The following HTR4 variants were observed in gnomAD, a reference collection of about 807,000 sequenced individuals.
The protein encoded by HTR4 is 5-hydroxytryptamine (serotonin) receptor 4, G protein-coupled.
Under a neutral mutation model 36.8 loss-of-function variants are expected in HTR4, and 16 were observed. The observed-to-expected ratio is 0.43, with a 90% confidence interval of 0.29 to 0.66. The LOEUF (loss-of-function observed/expected upper bound fraction) is 0.66. Ranked by LOEUF, HTR4 falls within the 30% of genes least tolerant of loss-of-function variation. The pLI, the probability that HTR4 is intolerant of heterozygous loss-of-function variation, is 0.13. For synonymous variants in HTR4, 189 were observed against 185.1 expected (o/e 1.02, Z -0.17); for missense variants, 438 against 490.9 (o/e 0.89, Z 1.02).
chr5:148,635,052 T>C (rs575917350), intron 2 of HTR4, among the ~76,000 whole-genome samples: 53 of 152,272 alleles, frequency 3.5e-4, no homozygotes, highest in African/African-American at 1.3e-3. Flanking sequence ...TAAAAATGCA[T>C]AATATTTTTA....
intron 6 of HTR4, among the ~76,000 whole-genome samples, chr5:148,488,707 C>A (rs1756275323): frequency 6.6e-6 from 1 of 152,154 alleles, no homozygotes; most frequent in Admixed American, 6.5e-5. Context: ...TAAAGCAATG[C>A]ATCTGCAGGG....
At chr5:148,469,662 C>T (rs1755516309) in intron 5 of HTR4, among the ~76,000 whole-genome samples, 1 of 152,212 alleles carries the variant, frequency 6.6e-6, no homozygotes, top group Admixed American at 6.5e-5. Context: ...CAAATGCAGT[C>T]CTGAGACCAA....
At chr5:148,459,938 G>C (rs1755223362) in intron 5 of HTR4, among the ~76,000 whole-genome samples, 1 of 152,134 alleles carries the variant, frequency 6.6e-6, no homozygotes, top group Non-Finnish European at 1.5e-5. Flanking sequence ...CGTAAGCAAT[G>C]AGATGGAAAT....
chr5:148,596,244 G>C (rs1561640782), intron 2 of HTR4, among the ~76,000 whole-genome samples: 1 of 152,188 alleles, frequency 6.6e-6, no homozygotes, highest in Non-Finnish European at 1.5e-5. Context: ...ACTAGTCTCT[G>C]AATGTGTCCA....
At chr5:148,603,730 C>A (rs1752019637) in intron 2 of HTR4, among the ~76,000 whole-genome samples, 1 of 151,026 alleles carries the variant, frequency 6.6e-6, no homozygotes, top group Admixed American at 6.6e-5. Flanking sequence ...ATAACATCAA[C>A]AAATAATTAG....
At chr5:148,540,744 G>A (rs1167482066) in intron 4 of HTR4, among the ~76,000 whole-genome samples, 1 of 152,006 alleles carries the variant, frequency 6.6e-6, no homozygotes, top group African/African-American at 2.4e-5. Context: ...CCCAGTGTGT[G>A]AAAGGGGTGA....
chr5:148,580,806 C>G (rs1015017822), intron 2 of HTR4, among the ~76,000 whole-genome samples: 99 of 152,038 alleles, frequency 6.5e-4, no homozygotes, highest in African/African-American at 2.2e-3. Flanking sequence ...TTTGGCTACT[C>G]TGAATATTGT....
At chr5:148,623,939 T>C (rs558787594) in intron 2 of HTR4, among the ~76,000 whole-genome samples, 4 of 152,332 alleles carry the variant, frequency 2.6e-5, no homozygotes, top group South Asian at 2.1e-4. Flanking sequence ...CCGGATTTTC[T>C]TGGAGGGTTC....
At chr5:148,619,763 A>T (rs1016142775) in intron 2 of HTR4, among the ~76,000 whole-genome samples, 4 of 152,312 alleles carry the variant, frequency 2.6e-5, no homozygotes, top group Non-Finnish European at 4.4e-5. Flanking sequence ...AGATAAAAAA[A>T]TTTTTAAAAA....
chr5:148,636,657 T>C (rs1194227683), intron 2 of HTR4, among the ~76,000 whole-genome samples: 3 of 152,194 alleles, frequency 2.0e-5, no homozygotes, highest in Non-Finnish European at 2.9e-5. Context: ...AGTTTAGATA[T>C]ACAGATAGAT....
chr5:148,609,690 C>T (rs549818483), intron 2 of HTR4, among the ~76,000 whole-genome samples: 4 of 151,984 alleles, frequency 2.6e-5, no homozygotes, highest in East Asian at 1.9e-4. Context: ...CTCAGCCTCC[C>T]GAGTAGCTGG....
rs191668132 is a variant in HTR4 at position 148,552,094 on chromosome 5, G to A, written c.27-1832C>T. ...TCTCCAGATGGAAGCAGCCTGCAAA[G>A]TCATGGCTTTGGCCTTGTCCAGAAC... is the stretch of plus-strand genomic sequence containing the variant. On this transcript the variant is annotated intron_variant, in intron 2 of 6. Coordinates refer to ENST00000377888, the MANE Select transcript of HTR4 (RefSeq NM_000870.7). Among the ~76,000 whole-genome samples the A allele has an allele frequency of 2.6e-5, 4 of 152,320 alleles. No individual in the cohort carries two copies. In the East Asian group the frequency reaches 7.7e-4, roughly 29 times the overall value.
intron 4 of HTR4, among the ~76,000 whole-genome samples, chr5:148,541,071 C>G (rs1057027858): frequency 3.3e-5 from 5 of 152,140 alleles, no homozygotes; most frequent in Non-Finnish European, 7.3e-5. Flanking sequence ...GTTATTTATT[C>G]CTCACAAGTC....
chr5:148,653,597 T>A (rs1304650198), intron 1 of HTR4, among the ~76,000 whole-genome samples: 1 of 132,382 alleles, frequency 7.6e-6, no homozygotes, highest in Non-Finnish European at 1.6e-5. Context: ...CTATCTTGTC[T>A]CTCTCTCTCT....
Position 148,518,471 on chromosome 5 carries a change from G to C in HTR4, c.507+4722C>G, listed in dbSNP as rs187567893. Among the ~76,000 whole-genome samples, 287 of 152,294 alleles carry C rather than the reference G, an allele frequency of 1.9e-3. 2 individuals are homozygous for C. The highest frequency in any genetic ancestry group is 6.8e-3 in the African/African-American group (281 of 41,576). On this transcript the variant is annotated intron_variant, in intron 5 of 6. Transcript: ENST00000377888. ...ATTGCTATCATCCTAGTCCAAGTTA[G>C]CGTTAGCATCATCACTTGCCAGGAT...
chr5:148,576,534 G>A (rs945361036), intron 2 of HTR4, among the ~76,000 whole-genome samples: 19 of 151,818 alleles, frequency 1.3e-4, no homozygotes, highest in Non-Finnish European at 2.1e-4. Context: ...AAAAAACAAC[G>A]AAGCTGAAGG....
chr5:148,463,630 T>C (rs1043934938), intron 5 of HTR4, among the ~76,000 whole-genome samples: 2 of 152,060 alleles, frequency 1.3e-5, no homozygotes, highest in Non-Finnish European at 2.9e-5. Flanking sequence ...CTAAATATTG[T>C]CAAGATGTCA....
chr5:148,592,282 T>A (rs1561638606), intron 2 of HTR4, among the ~76,000 whole-genome samples: 1 of 152,068 alleles, frequency 6.6e-6, no homozygotes, highest in Non-Finnish European at 1.5e-5. Flanking sequence ...TACTATTGGG[T>A]ACTGGGCTTA....
chr5:148,583,971 A>G (rs1039809686), intron 2 of HTR4, among the ~76,000 whole-genome samples: 8 of 152,078 alleles, frequency 5.3e-5, no homozygotes, highest in Non-Finnish European at 1.2e-4. Context: ...TAACATTTAC[A>G]TTTGATCTTT....
Sources: gnomAD v4.1 joint callset for allele counts (sites outside exome capture counted in the v4.1 genomes callset) on GRCh38, gnomAD v4.1.1 for gene constraint, MANE v1.5 for transcripts, NCBI Gene and HGNC (gene_info 2026-07-23, HGNC 2026-07-21) for gene names.